COL5A2: variants seen among roughly 807,000 people sequenced by gnomAD.
COL5A2 encodes the protein collagen type V alpha 2 chain, also known as collagen alpha-2(V) chain.
Under a neutral mutation model 208.2 loss-of-function variants are expected in COL5A2, and 23 were observed. The ratio of observed to expected loss-of-function variants is 0.11; its 90% CI spans 0.08 to 0.16. The LOEUF is 0.16. Ranked by LOEUF, COL5A2 falls within the 10% of genes least tolerant of loss-of-function variation. COL5A2 has a pLI of 1.00. For synonymous variants in COL5A2, 625 were observed against 628.5 expected, an observed-to-expected ratio of 0.99 and a Z score of 0.08; for missense variants, 1,590 against 1,956.4, an observed-to-expected ratio of 0.81 and a Z score of 3.53.
rs113077677 is a variant in COL5A2, at chr2:189,054,035, T to C, written c.2446-87A>G. ...TTGGTCACTGTGTAGGAGGAGATAG[T>C]GGAAAAGAACTCTGAAATGATCTTG... On this transcript the variant is annotated intron_variant, in intron 36 of 53. Coordinates refer to ENST00000374866, the MANE Select transcript of COL5A2 (RefSeq NM_000393.5). 1.7e-4 allele frequency: 252 copies of C among 1,446,622 alleles called. 1 individual carries two copies. The African/African-American group carries it at 2.6e-3, about 15-fold the overall frequency. 89.6% of individuals were successfully genotyped at this position (1,446,622 alleles called of 1,614,324 possible).
intron 1 of COL5A2, among the ~76,000 whole-genome samples, chr2:189,203,985 C>G (rs927868627): frequency 6.6e-6 from 1 of 151,918 alleles, no homozygotes; most frequent in Non-Finnish European, 1.5e-5. Context: ...GCAAGCTCTG[C>G]CTCCCGGGTT....
At chr2:189,179,828 C>CT, upstream of COL5A2, 1 of 669,608 alleles carries the variant, frequency 1.5e-6, no homozygotes, top group Non-Finnish European at 2.5e-6. Context: ...TTTCCTGCCC[C>CT]TTTTCAGCTT....
intron 1 of COL5A2, among the ~76,000 whole-genome samples, chr2:189,221,699 T>C (rs1025900659): frequency 2.6e-4 from 39 of 152,130 alleles, no homozygotes; most frequent in African/African-American, 9.4e-4. Context: ...CAGGAGTAGT[T>C]CTTGACCCTT....
intron 1 of COL5A2, among the ~76,000 whole-genome samples, chr2:189,150,207 T>C (rs1688117550): frequency 6.6e-6 from 1 of 152,168 alleles, no homozygotes; most frequent in African/African-American, 2.4e-5. Context: ...AAGCAAGCAA[T>C]TGTGCAAACA....
the COL5A2 span, among the ~76,000 whole-genome samples, chr2:189,324,518 C>T: frequency 6.6e-6 from 1 of 152,308 alleles, no homozygotes; most frequent in East Asian, 1.9e-4. Context: ...TATGAGCAGA[C>T]ATTTCTCAAA....
At chr2:189,129,500 AAAT>A (rs1401774776) in intron 1 of COL5A2, among the ~76,000 whole-genome samples, 1 of 152,064 alleles carries the variant, frequency 6.6e-6, no homozygotes, top group East Asian at 1.9e-4. Flanking sequence ...GGTGTAAATA[AAAT>A]AATAATTTTA....
At chr2:189,171,099 T>C (rs1051706453) in intron 1 of COL5A2, among the ~76,000 whole-genome samples, 1 of 151,634 alleles carries the variant, frequency 6.6e-6, no homozygotes, top group East Asian at 1.9e-4. Flanking sequence ...TGAAAGGGGA[T>C]AGAGAGAGAG....
Position 189,039,305 on chromosome 2 carries a change from C to A in COL5A2, c.3892G>T (p.Asp1298Tyr). Residue 1298 changes from aspartate (D) to tyrosine (Y), a missense_variant, in exon 51 of 54, where the codon GAC (aspartate) becomes TAC (tyrosine). Transcript: ENST00000374866. ...TTTGCGGAATGGCAAAGCTTTAGGT[C>A]ATCACACGTGCGGGCTGGGTGCTTT... ...SKKHPARTCDDLKLCHSAKQS... is the reference protein window; with the variant it reads ...SKKHPARTCDYLKLCHSAKQS... 1 of 1,614,086 alleles carries A rather than the reference C, an allele frequency of 6.2e-7. No homozygotes were observed. The highest frequency in any genetic ancestry group is 1.1e-5 in the South Asian group (1 of 91,058).
rs759194140 is a variant in COL5A2, at chr2:189,063,277, A to T, written c.1771-7T>A. On this transcript the variant is annotated splice_region_variant and splice_polypyrimidine_tract_variant and intron_variant, in intron 26 of 53. Coordinates refer to ENST00000374866, the MANE Select transcript of COL5A2 (RefSeq NM_000393.5). ...CATCTTCCCCTGGCGCACCCTATAG[A>T]ATTGACAGGAGCCATGTAAGTTTCA... is the stretch of plus-strand genomic sequence containing the variant. 17 of 1,610,956 alleles carry T rather than the reference A, an allele frequency of 1.1e-5. No individual in the cohort carries two copies. The South Asian group carries it at 1.8e-4, about 17-fold the overall frequency.
chr2:189,338,724 T>C, the COL5A2 span, among the ~76,000 whole-genome samples: 2 of 148,178 alleles, frequency 1.3e-5, no homozygotes, highest in African/African-American at 4.9e-5. Context: ...TATTTTATAA[T>C]ATAAAATTTA....
intron 6 of COL5A2, among the ~76,000 whole-genome samples, chr2:189,095,422 G>A (rs986552014): frequency 2.0e-5 from 3 of 151,980 alleles, no homozygotes; most frequent in East Asian, 1.9e-4. Flanking sequence ...TTCCTACTTG[G>A]ATATCTGCCA....
chr2:189,357,164 C>G, the COL5A2 span, among the ~76,000 whole-genome samples: 2 of 152,188 alleles, frequency 1.3e-5, no homozygotes, highest in Admixed American at 1.3e-4. Flanking sequence ...TAGGAGATGT[C>G]TGTCGGCCCC....
At chr2:189,141,264 T>TA (rs1342448527) in intron 1 of COL5A2, among the ~76,000 whole-genome samples, 3 of 152,126 alleles carry the variant, frequency 2.0e-5, no homozygotes. Flanking sequence ...TTACCATTAA[T>TA]AATAATAATA....
chr2:189,410,338 G>C, the COL5A2 span, among the ~76,000 whole-genome samples: 1 of 152,128 alleles, frequency 6.6e-6, no homozygotes, highest in Non-Finnish European at 1.5e-5. Flanking sequence ...CAGAGGCCAA[G>C]TTGGGAGGAT....
At chr2:189,370,163 A>G in the COL5A2 span, among the ~76,000 whole-genome samples, 2 of 151,808 alleles carry the variant, frequency 1.3e-5, no homozygotes, top group Non-Finnish European at 2.9e-5. Context: ...TTCTCTCTCC[A>G]TTGTCTTTTT....
At chr2:189,418,619 C>T in the COL5A2 span, among the ~76,000 whole-genome samples, 1 of 152,166 alleles carries the variant, frequency 6.6e-6, no homozygotes, top group Non-Finnish European at 1.5e-5. Context: ...AGTAGCTATG[C>T]AGGCCTTTAG....
At chr2:189,071,993 T>C (rs202053252) in intron 18 of COL5A2, 47 bp downstream of exon 18, 21 of 1,231,922 alleles carry the variant, frequency 1.7e-5, no homozygotes, top group African/African-American at 8.9e-5. Flanking sequence ...TTGGGACTCA[T>C]GTAATCATGT....
At chr2:189,246,808 A>T in the COL5A2 span, among the ~76,000 whole-genome samples, 1 of 152,186 alleles carries the variant, frequency 6.6e-6, no homozygotes, top group East Asian at 1.9e-4. Context: ...AAAACATCTT[A>T]GTGGGGAAAA....
chr2:189,365,176 T>C, the COL5A2 span, among the ~76,000 whole-genome samples: 1 of 152,246 alleles, frequency 6.6e-6, no homozygotes, highest in African/African-American at 2.4e-5. Flanking sequence ...ATTAATTCTA[T>C]ATAAGCAGTT....
Sources: gnomAD v4.1 joint callset for allele counts (sites outside exome capture counted in the v4.1 genomes callset) on GRCh38, gnomAD v4.1.1 for gene constraint, MANE v1.5 for transcripts, NCBI Gene and HGNC (gene_info 2026-07-23, HGNC 2026-07-21) for gene names.